CALR3: variants seen among roughly 807,000 people sequenced by gnomAD.
CALR3 encodes calreticulin-3.
Under a neutral mutation model 48.7 loss-of-function variants are expected in CALR3, and 39 were observed. The observed-to-expected ratio is 0.80, with a 90% CI of 0.62 to 1.05. CALR3 has a LOEUF of 1.05. CALR3 is among the 50% of genes least tolerant of loss of function. The pLI is 0.00. For synonymous variants in CALR3, 185 were observed against 172.7 expected, an observed-to-expected ratio of 1.07 and a Z score of -0.56; for missense variants, 449 against 474.7, an observed-to-expected ratio of 0.95 and a Z score of 0.50.
chr19:16,486,480 C>T (rs1007232203), intron 3 of CALR3, among the ~76,000 whole-genome samples: 2 of 151,586 alleles, frequency 1.3e-5, no homozygotes, highest in Non-Finnish European at 2.9e-5. Context: ...ATTAGCCAGC[C>T]ATGGTGGCAC....
chr19:16,492,873 A>AT (rs2093400245), intron 2 of CALR3, among the ~76,000 whole-genome samples: 1 of 151,436 alleles, frequency 6.6e-6, no homozygotes, highest in Non-Finnish European at 1.5e-5. Flanking sequence ...AAAAAAAAAA[A>AT]AAAAAAATTA....
At chr19:16,488,457 T>G (rs1400243793) in intron 3 of CALR3, among the ~76,000 whole-genome samples, 1 of 152,108 alleles carries the variant, frequency 6.6e-6, no homozygotes, top group Non-Finnish European at 1.5e-5. Context: ...CAGGCTGGAG[T>G]GCAGTGGTGA....
chr19:16,493,031 C>T (rs933660987), intron 2 of CALR3, among the ~76,000 whole-genome samples: 1 of 152,134 alleles, frequency 6.6e-6, no homozygotes, highest in African/African-American at 2.4e-5. Context: ...AACTCTCTCT[C>T]AAATAAATAC....
rs538135021 is a variant in CALR3, at chr19:16,492,456, C to T, written c.194-1886G>A. ...CGTTTAAAAAAATAAATAAGCCAGA[C>T]GCAGTGGCTCACGCCTGTAATTCCA... On this transcript the variant is annotated intron_variant, in intron 2 of 8. Coordinates refer to ENST00000269881, the MANE Select transcript of CALR3 (RefSeq NM_145046.5). 1.6e-3 allele frequency among the ~76,000 whole-genome samples: 236 copies of T among 152,062 alleles called. 1 individual carries two copies. Among genetic ancestry groups the T allele is most frequent in the Admixed American group, 4.6e-3 (70 of 15,262 alleles).
Position 16,495,758 on chromosome 19 carries a change from TTTC to T in CALR3, c.183_185del (p.Lys62del). 1.9e-6 allele frequency: 3 copies of T among 1,613,032 alleles called. No homozygotes were observed. The South Asian group carries it at 3.3e-5, about 18-fold the overall frequency. ...TCCTGATTCTACACTAACCTTTATC[TTTC>T]TCTTTATGACCATAAAACTTGCCCG... On this transcript the variant is annotated inframe_deletion, in exon 2 of 9. Transcript: ENST00000269881.
In CALR3 at chr19:16,484,073, C is replaced by A. The variant is rs2122131270; in HGVS notation, c.535G>T (p.Asp179Tyr). 2 of 1,613,878 alleles carry A rather than the reference C, an allele frequency of 1.2e-6. No homozygotes were observed. Among genetic ancestry groups the A allele is most frequent in the Admixed American group, 1.7e-5 (1 of 59,918 alleles). ...TCAATTTTCACATCATAAGAAAGATCTGGTCTTAAAATTAGAGTGTACAGG... is the reference window on the plus strand; with the variant it reads ...TCAATTTTCACATCATAAGAAAGATATGGTCTTAAAATTAGAGTGTACAGG... The part of the protein sequence containing the change: ...THLYTLILRP[D>Y]LSYDVKIDGQ... The change falls in exon 5 of 9, where the codon GAT becomes TAT. Residue 179 changes from aspartate to tyrosine, a missense_variant. By Grantham distance (160) the Asp-to-Tyr change is radical. Transcript: ENST00000269881.
At chr19:16,485,482 G>A (rs1388874122) in intron 3 of CALR3, among the ~76,000 whole-genome samples, 3 of 152,008 alleles carry the variant, frequency 2.0e-5, no homozygotes, top group African/African-American at 7.2e-5. Flanking sequence ...ACGATGCCCA[G>A]CTAATTTTTG....
intron 2 of CALR3, among the ~76,000 whole-genome samples, chr19:16,491,329 A>G (rs1256620033): frequency 1.4e-5 from 2 of 147,526 alleles, no homozygotes; most frequent in African/African-American, 5.0e-5. Context: ...TCACCATGTT[A>G]GCCAGGATGT....
rs1189744467 is a variant in CALR3 at position 16,484,042 on chromosome 19, TGACC to T, written c.562_565del (p.Gly188SerfsTer8). On this transcript the variant is annotated frameshift_variant, in exon 5 of 9. Coordinates refer to ENST00000269881, the MANE Select transcript of CALR3 (RefSeq NM_145046.5). LOFTEE classifies it high-confidence loss of function. Reference sequence around the variant, plus strand: ...CTCTATGCTGCCGGATTCAATTGACTGACCATCAATTTTCACATCATAAGAAAGA... The same window carrying T: ...CTCTATGCTGCCGGATTCAATTGACTATCAATTTTCACATCATAAGAAAGA... The T allele has an allele frequency of 6.2e-7, 1 of 1,614,094 alleles. No individual in the cohort carries two copies. The highest frequency in any genetic ancestry group is 8.5e-7 in the Non-Finnish European group (1 of 1,179,962).
At chr19:16,489,560 A>C (rs890100336) in intron 3 of CALR3, among the ~76,000 whole-genome samples, 4 of 151,910 alleles carry the variant, frequency 2.6e-5, no homozygotes, top group Non-Finnish European at 5.9e-5. Context: ...AGGAGGTTGC[A>C]GTGAGCCGAG....
chr19:16,489,660 T>A (rs2093394784), intron 3 of CALR3, among the ~76,000 whole-genome samples: 2 of 146,720 alleles, frequency 1.4e-5, no homozygotes. Context: ...TACAAAAAAA[T>A]TAGCCAGGTA....
Position 16,495,734 on chromosome 19 carries a change from C to A in CALR3, c.193+17G>T. 2 of 1,593,856 alleles carry A rather than the reference C, an allele frequency of 1.3e-6. No homozygotes were observed. Among genetic ancestry groups the A allele is most frequent in the Non-Finnish European group, 1.7e-6 (2 of 1,161,604 alleles). ...AATGTAACATTAGGCTCAATTTGGT[C>A]CTGATTCTACACTAACCTTTATCTT... On this transcript the variant is annotated intron_variant, in intron 2 of 8. Transcript: ENST00000269881.
At chr19:16,485,849 G>GA (rs1217045720) in intron 3 of CALR3, among the ~76,000 whole-genome samples, 1 of 4,340 alleles carries the variant, frequency 2.3e-4, no homozygotes, top group Non-Finnish European at 8.5e-4. Context: ...AGTAGAGACA[G>GA]GTTTTGCCAT....
intron 3 of CALR3, among the ~76,000 whole-genome samples, chr19:16,486,207 C>T (rs2093388752): frequency 6.6e-6 from 1 of 151,320 alleles, no homozygotes; most frequent in African/African-American, 2.4e-5. Context: ...TCCCAGGGAC[C>T]TGTGAGGCTG....
At chr19:16,486,789 A>T (rs988677819) in intron 3 of CALR3, among the ~76,000 whole-genome samples, 10 of 152,032 alleles carry the variant, frequency 6.6e-5, no homozygotes, top group African/African-American at 2.4e-4. Context: ...CTCCTCCTTA[A>T]CCCCTCACCC....
intron 6 of CALR3, 36 bp downstream of exon 6, chr19:16,482,641 TG>T (rs1225395772): frequency 3.7e-6 from 6 of 1,613,580 alleles, no homozygotes; most frequent in Non-Finnish European, 5.1e-6. Flanking sequence ...GGGGCAGCCC[TG>T]GGGCATCCCT....
Position 16,480,600 on chromosome 19 carries a change from C to CA in CALR3, c.1011+13dup. On this transcript the variant is annotated intron_variant, in intron 8 of 8. Coordinates refer to ENST00000269881, the MANE Select transcript of CALR3 (RefSeq NM_145046.5). ...AAATAGTGATGTAGGAAGAGTTAAT[C>CA]ACGTGCTTCATACCTTGGTTTCGCC... 3 of 1,559,124 alleles carry CA rather than the reference C, an allele frequency of 1.9e-6. No individual in the cohort carries two copies. The South Asian group carries it at 3.3e-5, about 17-fold the overall frequency.
At chr19:16,489,861 CAAACAAAA>C (rs2093395135) in intron 3 of CALR3, among the ~76,000 whole-genome samples, 5 of 150,686 alleles carry the variant, frequency 3.3e-5, no homozygotes, top group Admixed American at 1.3e-4. Flanking sequence ...CAAAAACAAA[CAAACAAAA>C]AAACTACACA....
intron 4 of CALR3, among the ~76,000 whole-genome samples, chr19:16,484,839 C>T (rs539774843): frequency 4.4e-4 from 67 of 152,272 alleles, no homozygotes; most frequent in Admixed American, 1.8e-3. Context: ...ATGTTTTTTT[C>T]ATCCTGAATA....
Sources: gnomAD v4.1 joint callset for allele counts (sites outside exome capture counted in the v4.1 genomes callset) on GRCh38, gnomAD v4.1.1 for gene constraint, MANE v1.5 for transcripts, NCBI Gene and HGNC (gene_info 2026-07-23, HGNC 2026-07-21) for gene names.